The following IFIT1B variants were observed in gnomAD, a reference collection of about 807,000 sequenced individuals.
IFIT1B encodes protein IFIT1 homolog B.
IFIT1B carries 3 observed loss-of-function variants against 2.5 expected under a neutral mutation model. The ratio of observed to expected loss-of-function variants is 1.21; its 90% confidence interval spans 0.55 to 3.14. IFIT1B has a LOEUF of 3.14. Among genes scored for constraint, IFIT1B ranks in the 30% most tolerant of loss-of-function variants. The probability of loss-of-function intolerance (pLI) is 0.03; values close to 1 mark genes in which losing one functional copy is unlikely to be tolerated. For missense variants in IFIT1B, 545 were observed against 556.5 expected (o/e 0.98, Z 0.21); for synonymous variants, 196 against 203.0 (o/e 0.97, Z 0.29).
intron 1 of IFIT1B, among the ~76,000 whole-genome samples, chr10:89,381,912 A>G (rs1162908583): frequency 6.6e-6 from 1 of 152,002 alleles, no homozygotes; most frequent in Non-Finnish European, 1.5e-5. Flanking sequence ...CAGCCTCCAG[A>G]GTAGCTGGGA....
rs1273235545 is a variant in IFIT1B, at chr10:89,384,255, T to C, written c.942T>C (p.Asp314=). The change falls in exon 2 of 2, where the codon GAT becomes GAC. Residue 314 remains aspartate, a synonymous_variant. Coordinates refer to ENST00000371809, the MANE Select transcript of IFIT1B (RefSeq NM_001010987.2). ...EATNWQPRGQ[D]RETVDRLVQL... is the part of the protein sequence containing the mutation. ...CAAACTGGCAGCCTAGAGGGCAAGA[T>C]AGGGAAACTGTGGACAGATTGGTTC... 1.9e-6 allele frequency: 3 copies of C among 1,614,112 alleles called. No individual in the cohort carries two copies. The highest frequency in any genetic ancestry group is 3.3e-5 in the Admixed American group (2 of 60,008).
rs1844190867 is a variant in IFIT1B, at chr10:89,384,575, C to T, written c.1262C>T (p.Ala421Val). 6.2e-7 allele frequency: 1 copy of T among 1,614,094 alleles called. No homozygotes were observed. The highest frequency in any genetic ancestry group is 8.5e-7 in the Non-Finnish European group (1 of 1,179,966). ...MSHSREKLLNALEKLAKRCIH... is the reference protein window; with the variant it reads ...MSHSREKLLNVLEKLAKRCIH... ...CATTCCAGGGAAAAACTTCTCAATG[C>T]TTTAGAGAAATTGGCTAAAAGATGT... Residue 421 changes from alanine (A) to valine (V), a missense_variant, in exon 2 of 2, where the codon GCT (alanine) becomes GTT (valine). Ala to Val is a moderately conservative substitution (Grantham distance 64). Coordinates refer to ENST00000371809, the MANE Select transcript of IFIT1B (RefSeq NM_001010987.2).
intron 1 of IFIT1B, 60 bp from the exon 2 acceptor site, chr10:89,383,259 T>G: frequency 6.9e-7 from 1 of 1,446,776 alleles, no homozygotes; most frequent in Non-Finnish European, 9.5e-7. Context: ...AGTGCTGGCT[T>G]CATTTTCAGT....
In IFIT1B at chr10:89,384,086, C is replaced by T. The variant is rs543130541; in HGVS notation, c.773C>T (p.Ala258Val). Residue 258 changes from alanine to valine, a missense_variant, in exon 2 of 2, where the codon GCC becomes GTC. By Grantham distance (64) the Ala-to-Val change is moderately conservative (BLOSUM62 0). Coordinates refer to ENST00000371809, the MANE Select transcript of IFIT1B (RefSeq NM_001010987.2). ...SSQAYVFQYA[A>V]KFYRRKGSVD... ...CAGGCCTATGTCTTTCAATATGCAG[C>T]CAAGTTTTATCGAAGAAAAGGGTCT... The T allele has an allele frequency of 2.5e-6, 4 of 1,614,152 alleles. No homozygotes were observed. Among genetic ancestry groups the T allele is most frequent in the Admixed American group, 1.7e-5 (1 of 60,024 alleles).
In IFIT1B at chr10:89,384,159, C is replaced by G; in HGVS notation, c.846C>G (p.Pro282=). 1 of 1,614,172 alleles carries G rather than the reference C, an allele frequency of 6.2e-7. No homozygotes were observed. Among genetic ancestry groups the G allele is most frequent in the East Asian group, 2.2e-5 (1 of 44,882 alleles). The change falls in exon 2 of 2, where the codon CCC becomes CCG. Residue 282 remains proline (P), a synonymous_variant. Coordinates refer to ENST00000371809, the MANE Select transcript of IFIT1B (RefSeq NM_001010987.2). The part of the protein sequence containing the change: ...ELLKMALETT[P]TSAFLHHQMG... ...TAAAAATGGCCTTGGAGACAACACCCACTTCTGCCTTCCTGCATCACCAAA... is the reference window on the plus strand; with the variant it reads ...TAAAAATGGCCTTGGAGACAACACCGACTTCTGCCTTCCTGCATCACCAAA...
rs540984129 is a variant in IFIT1B, at chr10:89,379,141, T to G, written c.5+1001T>G. Among the ~76,000 whole-genome samples, 26 of 152,366 alleles carry G rather than the reference T, an allele frequency of 1.7e-4. 1 individual carries two copies. The South Asian group carries it at 5.4e-3, about 32-fold the overall frequency. On this transcript the variant is annotated intron_variant, in intron 1 of 1. Transcript: ENST00000371809. ...CTGTTTTTCTGTTGTTTGTTTGTTT[T>G]TGATACCAAGTCAAATTTTGTGATT... is the stretch of plus-strand genomic sequence containing the variant.
intron 1 of IFIT1B, among the ~76,000 whole-genome samples, chr10:89,382,014 C>A (rs749885103): frequency 6.6e-6 from 1 of 152,118 alleles, no homozygotes; most frequent in Non-Finnish European, 1.5e-5. Context: ...AGGCAATCTG[C>A]CTACCTCGGC....
chr10:89,382,658 T>C (rs553875115), intron 1 of IFIT1B, among the ~76,000 whole-genome samples: 4 of 152,350 alleles, frequency 2.6e-5, no homozygotes, highest in African/African-American at 9.6e-5. Context: ...TGTTCATTCA[T>C]GCCTCTTCTT....
chr10:89,383,329 G>A lies in IFIT1B; in HGVS notation c.16G>A (p.Asp6Asn), dbSNP rs1213257873. Reference sequence around the variant, plus strand: ...TGCCTATTTTTACAGTGAAGAATCTGATGGAAAGCTTATTGAAGACAGCCT... The same window carrying A: ...TGCCTATTTTTACAGTGAAGAATCTAATGGAAAGCTTATTGAAGACAGCCT... MSEES[D>N]GKLIEDSLIQ... Residue 6 changes from aspartate to asparagine, a missense_variant, in exon 2 of 2, where the codon GAT becomes AAT. Asp to Asn is a conservative substitution (Grantham distance 23, BLOSUM62 1). Transcript: ENST00000371809. 3 of 1,611,682 alleles carry A rather than the reference G, an allele frequency of 1.9e-6. No homozygotes were observed. The highest frequency in any genetic ancestry group is 2.5e-6 in the Non-Finnish European group (3 of 1,178,762).
Position 89,383,383 on chromosome 10 carries a change from A to G in IFIT1B, c.70A>G (p.Lys24Glu), listed in dbSNP as rs1364782872. 1 of 1,614,130 alleles carries G rather than the reference A, an allele frequency of 6.2e-7. No homozygotes were observed. The highest frequency in any genetic ancestry group is 8.5e-7 in the Non-Finnish European group (1 of 1,180,046). The change falls in exon 2 of 2, where the codon AAG (lysine) becomes GAG (glutamate). Residue 24 changes from lysine to glutamate, a missense_variant. Lys to Glu is a moderately conservative substitution (Grantham distance 56). Transcript: ENST00000371809. ...LIQLRCHFTWKLLIEAPEIPD... is the reference protein window; with the variant it reads ...LIQLRCHFTWELLIEAPEIPD... ...TCAGCTGAGATGTCACTTTACATGG[A>G]AGTTGTTAATTGAAGCCCCTGAAAT...
Position 89,384,184 on chromosome 10 carries a change from A to G in IFIT1B, c.871A>G (p.Met291Val), listed in dbSNP as rs150869095. Residue 291 changes from methionine (M) to valine (V), a missense_variant, in exon 2 of 2, where the codon ATG (methionine) becomes GTG (valine). Met to Val is a conservative substitution (Grantham distance 21, BLOSUM62 1). Coordinates refer to ENST00000371809, the MANE Select transcript of IFIT1B (RefSeq NM_001010987.2). ...TPTSAFLHHQ[M>V]GLCYRAQMIQ... is the part of the protein sequence containing the mutation. ...CACTTCTGCCTTCCTGCATCACCAAATGGGGCTTTGCTACAGGGCACAAAT... is the reference window on the plus strand; with the variant it reads ...CACTTCTGCCTTCCTGCATCACCAAGTGGGGCTTTGCTACAGGGCACAAAT... 1.9e-4 allele frequency: 313 copies of G among 1,614,170 alleles called. 2 individuals carry two copies. The highest frequency in any genetic ancestry group is 7.8e-4 in the Admixed American group (47 of 60,016).
At chr10:89,379,862 G>A (rs561404693) in intron 1 of IFIT1B, among the ~76,000 whole-genome samples, 15 of 152,034 alleles carry the variant, frequency 9.9e-5, no homozygotes, top group African/African-American at 2.4e-4. Context: ...GTGAAACCCC[G>A]CCTCTTCTAA....
At chr10:89,383,217 G>A (rs1176200695) in intron 1 of IFIT1B, 102 bp from the exon 2 acceptor site, 3 of 1,022,606 alleles carry the variant, frequency 2.9e-6, no homozygotes. Context: ...TGGAGGCAGG[G>A]AAATTAGGAT....
chr10:89,384,298 T>A lies in IFIT1B; in HGVS notation c.985T>A (p.Phe329Ile). 6.2e-7 allele frequency: 1 copy of A among 1,614,138 alleles called. No individual in the cohort carries two copies. The highest frequency in any genetic ancestry group is 2.2e-5 in the East Asian group (1 of 44,878). Residue 329 changes from phenylalanine (F) to isoleucine (I), a missense_variant, in exon 2 of 2, where the codon TTT becomes ATT. By Grantham distance (21) the Phe-to-Ile change is conservative. Transcript: ENST00000371809. ...DRLVQLAICK[F>I]EKTIMLKRTF... ...ATTGGTTCAATTGGCTATATGCAAA[T>A]TTGAAAAGACTATAATGTTAAAGCG... is the stretch of plus-strand genomic sequence containing the variant.
intron 1 of IFIT1B, among the ~76,000 whole-genome samples, chr10:89,380,435 C>CT (rs58504474): frequency 2.3e-3 from 320 of 140,836 alleles, no homozygotes; most frequent in African/African-American, 2.6e-3. Context: ...ACAAACTCAT[C>CT]TTTTTTTTTT....
chr10:89,382,092 T>C (rs959787826), intron 1 of IFIT1B, among the ~76,000 whole-genome samples: 1 of 152,090 alleles, frequency 6.6e-6, no homozygotes, highest in Non-Finnish European at 1.5e-5. Flanking sequence ...TTTCCCTTTA[T>C]TTTCAAAAAA....
chr10:89,380,348 G>A (rs1187236287), intron 1 of IFIT1B, among the ~76,000 whole-genome samples: 1 of 152,096 alleles, frequency 6.6e-6, no homozygotes, highest in Non-Finnish European at 1.5e-5. Context: ...ACAAGATCCA[G>A]GGAAATGCCT....
chr10:89,378,232 C>T (rs1352576775), intron 1 of IFIT1B, 92 bp downstream of exon 1: 6 of 1,276,614 alleles, frequency 4.7e-6, no homozygotes, highest in Admixed American at 3.4e-5. Flanking sequence ...CAGGCCTTCT[C>T]CTAAGGGAGC....
At position 89,385,021 on chromosome 10, in the gene IFIT1B, C is replaced by T. The variant is rs772818138; in HGVS notation, c.*283C>T. 21 of 355,246 alleles carry T rather than the reference C, an allele frequency of 5.9e-5. No homozygotes were observed. Among genetic ancestry groups the T allele is most frequent in the Middle Eastern group, 8.2e-4 (1 of 1,220 alleles). 22.0% of individuals were successfully genotyped at this position (355,246 alleles called of 1,614,324 possible). A position where few individuals can be genotyped will look rare whatever the true frequency, so the allele number is the denominator to read the frequency against. ...TTCTTGGAACATAGCAAGTAGTAACCGATCAAATTGCTATAACGTGTGTAC... is the reference window on the plus strand; with the variant it reads ...TTCTTGGAACATAGCAAGTAGTAACTGATCAAATTGCTATAACGTGTGTAC... On this transcript the variant is annotated 3_prime_UTR_variant, in exon 2 of 2. Transcript: ENST00000371809.
Sources: gnomAD v4.1 joint callset for allele counts (sites outside exome capture counted in the v4.1 genomes callset) on GRCh38, gnomAD v4.1.1 for gene constraint, MANE v1.5 for transcripts, NCBI Gene and HGNC (gene_info 2026-07-23, HGNC 2026-07-21) for gene names.